Variants in DTNB observed in about 807,000 individuals in gnomAD.
DTNB encodes the protein DTN-B.
In DTNB, 63 loss-of-function variants were observed where a neutral mutation model predicts 90.7. The observed-to-expected ratio is 0.69, with a 90% confidence interval of 0.57 to 0.86. The LOEUF is 0.86. Among genes scored for constraint, DTNB ranks in the 40% least tolerant of loss-of-function variants. The probability of loss-of-function intolerance (pLI) is 0.00; values close to 1 mark genes in which losing one functional copy is unlikely to be tolerated. For synonymous variants in DTNB, 277 were observed against 286.7 expected, an observed-to-expected ratio of 0.97 and a Z score of 0.34; for missense variants, 744 against 807.1, an observed-to-expected ratio of 0.92 and a Z score of 0.95.
intron 4 of DTNB, 108 bp downstream of exon 4, chr2:25,628,062 TA>T: frequency 8.5e-7 from 1 of 1,183,022 alleles, no homozygotes; most frequent in Non-Finnish European, 1.2e-6. Context: ...ATCATGATTC[TA>T]AGTTGCCAGC....
intron 16 of DTNB, among the ~76,000 whole-genome samples, chr2:25,397,083 C>G (rs187233285): frequency 2.3e-3 from 348 of 150,228 alleles, no homozygotes; most frequent in African/African-American, 8.3e-3. Flanking sequence ...AGTGCAGCTG[C>G]TTTGGACAGA....
chr2:25,592,609 CTA>C (rs1162850746), intron 6 of DTNB, among the ~76,000 whole-genome samples: 2 of 151,050 alleles, frequency 1.3e-5, no homozygotes, highest in Non-Finnish European at 3.0e-5. Flanking sequence ...AGAATTAAAA[CTA>C]TATTAAAATA....
chr2:25,471,364 C>G lies in DTNB; in HGVS notation c.1079+11432G>C, dbSNP rs144450473. ...CTAAATTTGTCAAATGACCTCTTTC[C>G]CAACACGAAGTGCATGAAAAATCTT... On this transcript the variant is annotated intron_variant, in intron 10 of 20. Transcript: ENST00000406818. Among the ~76,000 whole-genome samples, 1,392 of 152,030 alleles carry G rather than the reference C, an allele frequency of 9.2e-3. 10 individuals are homozygous for G. The highest frequency in any genetic ancestry group is 0.015 in the Non-Finnish European group (994 of 68,020).
intron 16 of DTNB, among the ~76,000 whole-genome samples, chr2:25,392,750 A>T (rs1157293641): frequency 2.0e-5 from 3 of 152,124 alleles, no homozygotes; most frequent in East Asian, 1.9e-4. Flanking sequence ...AAATGGTAAT[A>T]AAAAAAATTG....
At chr2:25,425,606 T>G (rs932884172) in intron 15 of DTNB, among the ~76,000 whole-genome samples, 1 of 152,232 alleles carries the variant, frequency 6.6e-6, no homozygotes, top group African/African-American at 2.4e-5. Context: ...CTGTTATTTT[T>G]AAAACCTCCA....
intron 12 of DTNB, among the ~76,000 whole-genome samples, chr2:25,447,942 ATT>A (rs1006038805): frequency 2.6e-5 from 4 of 152,310 alleles, no homozygotes; most frequent in African/African-American, 9.6e-5. Context: ...GACAATTGAC[ATT>A]CAAGCACAGG....
chr2:25,623,383 T>C (rs563959700), intron 4 of DTNB, among the ~76,000 whole-genome samples: 1 of 152,302 alleles, frequency 6.6e-6, no homozygotes, highest in African/African-American at 2.4e-5. Context: ...AGAGTAACTT[T>C]TTGATGGTAC....
At chr2:25,547,772 T>C (rs1310838814) in intron 8 of DTNB, among the ~76,000 whole-genome samples, 1 of 152,248 alleles carries the variant, frequency 6.6e-6, no homozygotes, top group Non-Finnish European at 1.5e-5. Flanking sequence ...AGAACTCACC[T>C]GTGAAATAGT....
At chr2:25,525,061 T>C (rs1191842292) in intron 9 of DTNB, among the ~76,000 whole-genome samples, 3 of 152,180 alleles carry the variant, frequency 2.0e-5, no homozygotes, top group Admixed American at 1.3e-4. Context: ...CGTGGTAAAG[T>C]CATTCAATGG....
chr2:25,631,078 G>A (rs1035641535), intron 3 of DTNB, among the ~76,000 whole-genome samples: 1 of 152,004 alleles, frequency 6.6e-6, no homozygotes, highest in African/African-American at 2.4e-5. Context: ...ACTGTTAATG[G>A]GTATGTGGTT....
Position 25,597,140 on chromosome 2 carries a change from G to C in DTNB, c.449-900C>G, listed in dbSNP as rs1420957711. ...CATTTTGAAGATTCATCCAGCCTGG[G>C]CAACATAGTGAGACCTCATCCCTAC... On this transcript the variant is annotated intron_variant, in intron 5 of 20. Coordinates refer to ENST00000406818, the MANE Select transcript of DTNB (RefSeq NM_021907.5). Among the ~76,000 whole-genome samples the C allele has an allele frequency of 2.0e-5, 3 of 152,068 alleles. No homozygotes were observed. In the South Asian group the frequency reaches 6.2e-4, roughly 32 times the overall value.
At chr2:25,480,714 T>C in intron 10 of DTNB, among the ~76,000 whole-genome samples, 1 of 152,342 alleles carries the variant, frequency 6.6e-6, no homozygotes, top group East Asian at 1.9e-4. Context: ...TGGGAAATGC[T>C]ACTGAATGAG....
intron 9 of DTNB, among the ~76,000 whole-genome samples, chr2:25,484,426 C>A (rs777750016): frequency 6.6e-6 from 1 of 152,108 alleles, no homozygotes; most frequent in Non-Finnish European, 1.5e-5. Flanking sequence ...ATTAAGGGAT[C>A]ACAGGCTTTA....
At chr2:25,542,679 C>G (rs531294493) in intron 8 of DTNB, among the ~76,000 whole-genome samples, 7 of 152,256 alleles carry the variant, frequency 4.6e-5, no homozygotes, top group African/African-American at 1.4e-4. Context: ...ATATATTGAG[C>G]AAATTCAATT....
chr2:25,380,735 G>A (rs1459008516), intron 19 of DTNB, among the ~76,000 whole-genome samples: 2 of 152,156 alleles, frequency 1.3e-5, no homozygotes, highest in African/African-American at 2.4e-5. Context: ...ACAGGGCAGT[G>A]CACGTGCAGA....
intron 8 of DTNB, among the ~76,000 whole-genome samples, chr2:25,540,381 T>C (rs976643977): frequency 1.3e-5 from 2 of 152,264 alleles, no homozygotes; most frequent in Non-Finnish European, 2.9e-5. Flanking sequence ...TTCCTAGTTA[T>C]TTTATAAACA....
chr2:25,381,362 T>C (rs2037706156), intron 19 of DTNB, among the ~76,000 whole-genome samples: 1 of 152,212 alleles, frequency 6.6e-6, no homozygotes, highest in Non-Finnish European at 1.5e-5. Context: ...TCTGAAACAC[T>C]ACTGCTCTCT....
Position 25,645,582 on chromosome 2 carries a change from C to T in DTNB, c.68-6488G>A, listed in dbSNP as rs150809527. Among the ~76,000 whole-genome samples the T allele has an allele frequency of 9.4e-4, 143 of 151,990 alleles. 2 individuals carry two copies. In the East Asian group the frequency reaches 0.025, roughly 27 times the overall value. On this transcript the variant is annotated intron_variant, in intron 2 of 20. Transcript: ENST00000406818. ...TCAGCCTCCTTAGTAGCTGGGACTA[C>T]AAAAACATGCCACCACACCTGGCTA...
chr2:25,553,719 A>G (rs1474123484), intron 8 of DTNB, among the ~76,000 whole-genome samples: 1 of 150,150 alleles, frequency 6.7e-6, no homozygotes, highest in Non-Finnish European at 1.5e-5. Flanking sequence ...CAGCCTGGAC[A>G]ACAAGAGCGA....
Sources: allele counts gnomAD v4.1 joint callset (sites outside exome capture counted in the v4.1 genomes callset), GRCh38; gene constraint gnomAD v4.1.1; transcripts MANE v1.5; gene names NCBI Gene and HGNC (gene_info 2026-07-23, HGNC 2026-07-21).